The following FARSB variants were observed in gnomAD, a reference collection of about 807,000 sequenced individuals.
FARSB encodes the protein phenylalanyl-tRNA synthetase subunit beta.
A neutral mutation model predicts 69.6 loss-of-function variants in FARSB; 40 were observed. The ratio of observed to expected loss-of-function variants is 0.57; its 90% CI spans 0.45 to 0.75. FARSB has a LOEUF of 0.75. Among genes scored for constraint, FARSB ranks in the 30% least tolerant of loss-of-function variants. FARSB has a pLI of 0.00. For missense variants in FARSB, 632 were observed against 722.9 expected, an observed-to-expected ratio of 0.87 and a Z score of 1.44; for synonymous variants, 235 against 247.2, an observed-to-expected ratio of 0.95 and a Z score of 0.46.
At chr2:222,623,069 C>T (rs1021046710) in intron 13 of FARSB, among the ~76,000 whole-genome samples, 3 of 152,098 alleles carry the variant, frequency 2.0e-5, no homozygotes, top group African/African-American at 7.2e-5. Context: ...CACAGAAATG[C>T]TCAGCAAGAG....
Position 222,624,756 on chromosome 2 carries a change from T to G in FARSB, c.920A>C (p.Glu307Ala), listed in dbSNP as rs767801119. ...GTTAATTAGGTCAGCTCTCACCATC[T>G]CCTTTCGGTAAGCTAATTCCTTAAA... The part of the protein sequence containing the change: ...HTFPELAYRK[E>A]MVRADLINKK... Residue 307 changes from glutamate (E) to alanine (A), a missense_variant, in exon 11 of 17, where the codon GAG becomes GCG. Physicochemically the swap from Glu to Ala is moderately radical, Grantham distance 107. Transcript: ENST00000281828. 7 of 1,603,584 alleles carry G rather than the reference T, an allele frequency of 4.4e-6. No individual in the cohort carries two copies. In the South Asian group the frequency reaches 7.8e-5, roughly 18 times the overall value.
intron 15 of FARSB, among the ~76,000 whole-genome samples, chr2:222,607,807 A>G (rs1352297851): frequency 6.6e-6 from 1 of 152,168 alleles, no homozygotes; most frequent in African/African-American, 2.4e-5. Flanking sequence ...TTATAGCACC[A>G]AAGTACAGAA....
chr2:222,591,541 A>C (rs1219225410), intron 16 of FARSB, among the ~76,000 whole-genome samples: 2 of 152,240 alleles, frequency 1.3e-5, no homozygotes, highest in African/African-American at 4.8e-5. Context: ...AAAGAAAAGC[A>C]AGTGAAAGTA....
rs753794587 is a variant in FARSB, at chr2:222,572,108, C to T, written c.1619-86G>A. On this transcript the variant is annotated intron_variant, in intron 16 of 16. Coordinates refer to ENST00000281828, the MANE Select transcript of FARSB (RefSeq NM_005687.5). ...TTAACACTAAAAGCCCACTAGTCTA[C>T]TTTAAAAATAACTATTCTTTAAATC... The T allele has an allele frequency of 1.2e-4, 139 of 1,124,882 alleles. 1 individual carries two copies. The highest frequency in any genetic ancestry group is 1.7e-4 in the Non-Finnish European group (134 of 792,894). The allele number at this position is 1,124,882 out of a possible 1,614,324, so 69.7% of individuals were successfully genotyped here.
chr2:222,616,086 G>C (rs1690987707), intron 14 of FARSB, among the ~76,000 whole-genome samples: 1 of 152,096 alleles, frequency 6.6e-6, no homozygotes, highest in African/African-American at 2.4e-5. Flanking sequence ...CAATTTACTG[G>C]AAATTTAGGG....
chr2:222,642,780 G>A, intron 3 of FARSB, 71 bp downstream of exon 3: 1 of 1,176,254 alleles, frequency 8.5e-7, no homozygotes, highest in Admixed American at 2.3e-5. Context: ...TTTAAACATG[G>A]CTGCTGATAA....
At chr2:222,603,264 G>A (rs1287275628) in intron 15 of FARSB, among the ~76,000 whole-genome samples, 1 of 152,126 alleles carries the variant, frequency 6.6e-6, no homozygotes, top group Non-Finnish European at 1.5e-5. Flanking sequence ...CATACATTGA[G>A]CAAAACTTCT....
chr2:222,615,067 A>G (rs981016030), intron 14 of FARSB, among the ~76,000 whole-genome samples: 5 of 152,170 alleles, frequency 3.3e-5, no homozygotes. Flanking sequence ...CATTCTTCCT[A>G]TTCCTAAGAA....
chr2:222,597,121 TA>T (rs1392022689), intron 16 of FARSB, among the ~76,000 whole-genome samples: 1 of 152,078 alleles, frequency 6.6e-6, no homozygotes, highest in Non-Finnish European at 1.5e-5. Context: ...ATGATGGTGA[TA>T]GGGGGTGAAA....
rs137968758 is a variant in FARSB at position 222,639,655 on chromosome 2, C to T, written c.380G>A (p.Arg127His). The T allele has an allele frequency of 6.0e-5, 96 of 1,587,516 alleles. No homozygotes were observed. The highest frequency in any genetic ancestry group is 4.7e-4 in the African/African-American group (35 of 74,330). The change falls in exon 5 of 17, where the codon CGT becomes CAT. Residue 127 changes from arginine to histidine, a missense_variant. Coordinates refer to ENST00000281828, the MANE Select transcript of FARSB (RefSeq NM_005687.5). Reference protein sequence around the residue: ...IRPFAVAAVLRNIKFTKDRYD... With the variant: ...IRPFAVAAVLHNIKFTKDRYD... ...TCGATCTTTAGTAAACTTTATATTA[C>T]GGAGAACTGCTGCTACCGCAAAAGG...
chr2:222,650,972 A>G (rs1220713255), intron 1 of FARSB, among the ~76,000 whole-genome samples: 1 of 152,244 alleles, frequency 6.6e-6, no homozygotes, highest in East Asian at 1.9e-4. Flanking sequence ...GCAATAGATT[A>G]CTAATACAGA....
intron 1 of FARSB, among the ~76,000 whole-genome samples, chr2:222,651,660 G>C (rs546638735): frequency 4.1e-4 from 63 of 152,344 alleles, no homozygotes; most frequent in Non-Finnish European, 8.1e-4. Context: ...TTTCAGAGAT[G>C]TGTAGGTGGT....
intron 16 of FARSB, among the ~76,000 whole-genome samples, chr2:222,579,793 A>G (rs1270511746): frequency 6.6e-6 from 1 of 152,208 alleles, no homozygotes; most frequent in Admixed American, 6.5e-5. Flanking sequence ...AGCTCATCCA[A>G]CGTTGCTTTT....
chr2:222,608,482 T>C (rs112869431), intron 15 of FARSB, among the ~76,000 whole-genome samples: 1,886 of 152,098 alleles, frequency 0.012, 34 homozygotes, highest in African/African-American at 0.039. Context: ...TACAAACCAA[T>C]AGCAAATTGA....
chr2:222,607,956 T>C (rs906644503), intron 15 of FARSB, among the ~76,000 whole-genome samples: 1 of 151,924 alleles, frequency 6.6e-6, no homozygotes, highest in East Asian at 1.9e-4. Context: ...ATGGATTTTT[T>C]ACCTATTAAA....
At chr2:222,605,161 T>TCTCTC (rs1690667824) in intron 15 of FARSB, among the ~76,000 whole-genome samples, 6 of 132,750 alleles carry the variant, frequency 4.5e-5, no homozygotes, top group Admixed American at 1.5e-4. Flanking sequence ...AATACAAACT[T>TCTCTC]TCTCTCTCTC....
chr2:222,585,269 A>T (rs1690082636), intron 16 of FARSB, among the ~76,000 whole-genome samples: 1 of 152,240 alleles, frequency 6.6e-6, no homozygotes, highest in African/African-American at 2.4e-5. Flanking sequence ...ACAGACCTGC[A>T]GCTGAGGGTC....
chr2:222,646,148 C>T, intron 2 of FARSB, among the ~76,000 whole-genome samples: 1 of 152,194 alleles, frequency 6.6e-6, no homozygotes, highest in Admixed American at 6.5e-5. Flanking sequence ...ATTATTCCGA[C>T]TAGATTACCA....
intron 14 of FARSB, among the ~76,000 whole-genome samples, chr2:222,615,096 T>TA (rs1313204316): frequency 1.3e-5 from 2 of 151,962 alleles, no homozygotes; most frequent in Non-Finnish European, 2.9e-5. Flanking sequence ...CCTGGTACAT[T>TA]AAAAAAAAGC....
Sources: gnomAD v4.1 joint callset for allele counts (sites outside exome capture counted in the v4.1 genomes callset) on GRCh38, gnomAD v4.1.1 for gene constraint, MANE v1.5 for transcripts, NCBI Gene and HGNC (gene_info 2026-07-23, HGNC 2026-07-21) for gene names.